The following ACYP2 variants were observed in gnomAD, a reference collection of about 807,000 sequenced individuals.
The protein encoded by ACYP2 is acylphosphatase-2.
In ACYP2, 12 loss-of-function variants were observed where a neutral mutation model predicts 11.2. That is an observed-to-expected ratio of 1.08 (90% CI 0.69 to 1.74). The LOEUF (loss-of-function observed/expected upper bound fraction) is 1.74. Among genes scored for constraint, ACYP2 ranks in the 40% most tolerant of loss-of-function variants. The pLI, the probability that ACYP2 is intolerant of heterozygous loss-of-function variation, is 0.00. For synonymous variants in ACYP2, 43 were observed against 32.2 expected (o/e 1.33, Z -1.13); for missense variants, 134 against 101.9 (o/e 1.31, Z -1.35).
At chr2:53,977,607 C>T (rs866411700) in intron 2 of ACYP2, among the ~76,000 whole-genome samples, 3 of 151,824 alleles carry the variant, frequency 2.0e-5, no homozygotes, top group African/African-American at 7.3e-5. Context: ...TGGTGGCATG[C>T]GCCTGTAATC....
intron 4 of ACYP2, among the ~76,000 whole-genome samples, chr2:54,071,050 C>A (rs1162662743): frequency 6.6e-6 from 1 of 152,094 alleles, no homozygotes; most frequent in African/African-American, 2.4e-5. Flanking sequence ...CTGCACCCGG[C>A]CTCAAAAGCT....
chr2:54,211,136 A>C (rs1333263282), intron 6 of ACYP2, among the ~76,000 whole-genome samples: 1 of 152,234 alleles, frequency 6.6e-6, no homozygotes, highest in African/African-American at 2.4e-5. Flanking sequence ...AAAGACGCAG[A>C]CTATCTTTAA....
intron 6 of ACYP2, among the ~76,000 whole-genome samples, chr2:54,159,246 G>A (rs941982300): frequency 6.6e-6 from 1 of 151,922 alleles, no homozygotes; most frequent in Admixed American, 6.6e-5. Context: ...TAAGGTTCTA[G>A]AGCAAGCATC....
At chr2:53,979,797 G>A (rs114239754) in intron 2 of ACYP2, among the ~76,000 whole-genome samples, 5,674 of 151,714 alleles carry the variant, frequency 0.037, 140 homozygotes, top group Non-Finnish European at 0.058. Flanking sequence ...CACCTCAAGG[G>A]ATCCTCCCAC....
chr2:54,035,017 A>AAAAAAAAAAAAAAAAAAAC (rs1674808039), intron 2 of ACYP2, among the ~76,000 whole-genome samples: 1 of 120,298 alleles, frequency 8.3e-6, no homozygotes, highest in Non-Finnish European at 1.7e-5. Context: ...CTCAAAAAAA[A>AAAAAAAAAAAAAAAAAAAC]AAAAAAAAAA....
chr2:54,035,862 A>G (rs958156372), intron 2 of ACYP2, among the ~76,000 whole-genome samples: 9 of 152,208 alleles, frequency 5.9e-5, no homozygotes, highest in African/African-American at 2.2e-4. Flanking sequence ...CCCTTTGAGA[A>G]TAAACTGTAG....
intron 4 of ACYP2, among the ~76,000 whole-genome samples, chr2:54,063,126 A>C (rs1350326839): frequency 6.6e-6 from 1 of 151,928 alleles, no homozygotes; most frequent in East Asian, 1.9e-4. Flanking sequence ...GATAGAAAAT[A>C]ATAATAATAA....
At chr2:54,267,463 G>A (rs897759227) in intron 6 of ACYP2, 4 of 1,150,322 alleles carry the variant, frequency 3.5e-6, no homozygotes, top group Middle Eastern at 2.0e-4. Context: ...TGGGGGAAGA[G>A]TGGTCCTAAA....
At chr2:53,994,903 T>C (rs1672495284) in intron 2 of ACYP2, among the ~76,000 whole-genome samples, 1 of 152,166 alleles carries the variant, frequency 6.6e-6, no homozygotes, top group African/African-American at 2.4e-5. Flanking sequence ...GGGCTGATAG[T>C]GTAAGATGGT....
chr2:54,255,474 C>CACCTGCAGGAGCGCCCT, intron 6 of ACYP2: 1 of 1,614,074 alleles, frequency 6.2e-7, no homozygotes, highest in South Asian at 1.1e-5. Flanking sequence ...ACCTGCGCTC[C>CACCTGCAGGAGCGCCCT]ACCTGCAGGA....
At chr2:54,065,547 A>G in intron 4 of ACYP2, 1 of 398,548 alleles carries the variant, frequency 2.5e-6, no homozygotes, top group Middle Eastern at 6.3e-4. Context: ...ACACTGTGAA[A>G]TAGTATTCAG....
chr2:54,299,581 G>A (rs1310862791), intron 6 of ACYP2, among the ~76,000 whole-genome samples: 2 of 136,138 alleles, frequency 1.5e-5, no homozygotes, highest in Admixed American at 7.9e-5. Flanking sequence ...GACAGAGCGA[G>A]ACTCTGTCTC....
intron 2 of ACYP2, among the ~76,000 whole-genome samples, chr2:54,011,210 C>T (rs565970436): frequency 1.2e-4 from 18 of 152,240 alleles, no homozygotes; most frequent in Admixed American, 9.2e-4. Context: ...TAATATAACA[C>T]TTTTATTCCC....
In ACYP2 at chr2:54,267,856, C is replaced by T. The variant is rs113723912; in HGVS notation, c.405-36832C>T. ...AGGTTCAGAGCTATCTTCCTAGAAT[C>T]GGCTCTTGTTTCAGAATCTAAAATA... is the stretch of plus-strand genomic sequence containing the variant. On this transcript the variant is annotated intron_variant, in intron 6 of 6. Transcript: ENST00000607452. Among the ~76,000 whole-genome samples, 707 of 152,260 alleles carry T rather than the reference C, an allele frequency of 4.6e-3. 13 individuals carry two copies. Among genetic ancestry groups the T allele is most frequent in the African/African-American group, 0.016 (673 of 41,540 alleles).
At chr2:54,217,772 C>T (rs760338365) in intron 6 of ACYP2, among the ~76,000 whole-genome samples, 9 of 151,966 alleles carry the variant, frequency 5.9e-5, no homozygotes, top group African/African-American at 1.7e-4. Flanking sequence ...AAGAGTATTA[C>T]GTAGATAATT....
Position 54,021,981 on chromosome 2 carries a change from A to T in ACYP2, c.63-28977A>T, listed in dbSNP as rs1173590041. Among the ~76,000 whole-genome samples, 3 of 152,164 alleles carry T rather than the reference A, an allele frequency of 2.0e-5. No homozygotes were observed. The East Asian group carries it at 5.8e-4, about 29-fold the overall frequency. On this transcript the variant is annotated intron_variant, in intron 2 of 6. Coordinates refer to ENST00000607452, the MANE Select transcript of ACYP2 (RefSeq NM_001320586.2). ...AGCCAGTGAGCCAAGTAAAAAAATA[A>T]AAAAATGACCCCTAGAGAAATCCCT...
At chr2:54,298,946 T>C (rs1689621049) in intron 6 of ACYP2, among the ~76,000 whole-genome samples, 1 of 151,888 alleles carries the variant, frequency 6.6e-6, no homozygotes, top group Non-Finnish European at 1.5e-5. Context: ...AGAGATGGGG[T>C]TTCACCGTGT....
rs577516898 is a variant in ACYP2 at position 54,067,779 on chromosome 2, G to C, written c.277+10419G>C. Among the ~76,000 whole-genome samples the C allele has an allele frequency of 8.3e-4, 126 of 152,240 alleles. 1 individual carries two copies. The highest frequency in any genetic ancestry group is 3.4e-3 in the Middle Eastern group (1 of 294). ...AAGACTAGCAAACCTGTAGGGGAAA[G>C]TAAAACATAACAAAACAATAGATAA... On this transcript the variant is annotated intron_variant, in intron 4 of 6. Coordinates refer to ENST00000607452, the MANE Select transcript of ACYP2 (RefSeq NM_001320586.2).
At chr2:54,207,566 A>G (rs1685133855) in intron 6 of ACYP2, among the ~76,000 whole-genome samples, 2 of 152,202 alleles carry the variant, frequency 1.3e-5, no homozygotes, top group Admixed American at 1.3e-4. Flanking sequence ...TAGTCTAGCC[A>G]AGTTGACACA....
Sources: allele counts gnomAD v4.1 joint callset (sites outside exome capture counted in the v4.1 genomes callset), GRCh38; gene constraint gnomAD v4.1.1; transcripts MANE v1.5; gene names NCBI Gene and HGNC (gene_info 2026-07-23, HGNC 2026-07-21).